UPRT: variants seen among roughly 807,000 people sequenced by gnomAD.
UPRT encodes uracil phosphoribosyltransferase homolog, also known as RP11-311P8.3.
In UPRT, 5 loss-of-function variants were observed where a neutral mutation model predicts 22.6. The observed-to-expected ratio is 0.22, with a 90% confidence interval of 0.12 to 0.47. The LOEUF (loss-of-function observed/expected upper bound fraction) is 0.47. Ranked by LOEUF, UPRT falls within the 20% of genes least tolerant of loss-of-function variation. The pLI is 0.99. For missense variants in UPRT, 181 were observed against 239.9 expected, an observed-to-expected ratio of 0.75 and a Z score of 1.62; for synonymous variants, 77 against 87.7, an observed-to-expected ratio of 0.88 and a Z score of 0.68.
chrX:75,188,748 G>C (rs148827364), intron 4 of UPRT, among the ~76,000 whole-genome samples: 2 of 112,379 alleles, frequency 1.8e-5, no homozygotes, highest in African/African-American at 3.2e-5. Flanking sequence ...TAAGCCCGTC[G>C]GAAAAGCGCA....
intron 2 of UPRT, 56 bp downstream of exon 2, chrX:75,293,570 G>A: frequency 9.1e-7 from 1 of 1,104,128 alleles, no homozygotes; most frequent in Non-Finnish European, 1.2e-6. Context: ...TATAACCATG[G>A]TAGACCAAGG....
chrX:75,170,172 G>A (rs2082223064), intron 4 of UPRT, among the ~76,000 whole-genome samples: 1 of 109,517 alleles, frequency 9.1e-6, no homozygotes. Context: ...TAGTAGCTGG[G>A]ACTATAGGTG....
At position 75,296,382 on chromosome X, in the gene UPRT, A is replaced by G; in HGVS notation, c.470A>G (p.Tyr157Cys). The part of the protein sequence containing the change: ...VVEEGLNQLP[Y>C]KECMVTTPTG... ...GAAGAGGGATTGAATCAGCTGCCATATAAAGAATGCATGGTGACCACTCCA... is the reference window on the plus strand; with the variant it reads ...GAAGAGGGATTGAATCAGCTGCCATGTAAAGAATGCATGGTGACCACTCCA... Residue 157 changes from tyrosine (Y) to cysteine (C), a missense_variant, in exon 3 of 7, where the codon TAT becomes TGT. This residue lies in a region of UPRT where 70 missense variants were observed against 137.0 expected (regional missense o/e 0.51). Coordinates refer to ENST00000373383, the MANE Select transcript of UPRT (RefSeq NM_145052.4). 8.3e-7 allele frequency: 1 copy of G among 1,210,937 alleles called. No homozygotes were observed. The highest frequency in any genetic ancestry group is 1.1e-6 in the Non-Finnish European group (1 of 894,934).
intron 4 of UPRT, among the ~76,000 whole-genome samples, chrX:75,235,682 A>G (rs933378675): frequency 8.9e-6 from 1 of 112,006 alleles, no homozygotes; most frequent in Non-Finnish European, 1.9e-5. Flanking sequence ...TATAAACAGA[A>G]CCAAAGACCA....
At chrX:75,191,063 G>A (rs1375735272) in intron 4 of UPRT, among the ~76,000 whole-genome samples, 1 of 111,658 alleles carries the variant, frequency 9.0e-6, no homozygotes, top group African/African-American at 3.3e-5. Flanking sequence ...CTGATTTTTA[G>A]AATTTTCAGC....
chrX:75,210,678 C>T (rs1336010131), intron 4 of UPRT, among the ~76,000 whole-genome samples: 2 of 75,452 alleles, frequency 2.7e-5, no homozygotes, highest in African/African-American at 5.3e-5. Flanking sequence ...GGAGGGGGAC[C>T]GAGGGAGGGG....
upstream of UPRT, among the ~76,000 whole-genome samples, chrX:75,272,321 C>CATAT (rs1361614310): frequency 5.2e-5 from 1 of 19,056 alleles, no homozygotes; most frequent in Non-Finnish European, 1.7e-4. Flanking sequence ...TGTATATATA[C>CATAT]ATATATATGT....
chrX:75,275,802 T>C (rs1041417237), intron 1 of UPRT, among the ~76,000 whole-genome samples: 2 of 111,203 alleles, frequency 1.8e-5, no homozygotes, highest in African/African-American at 6.5e-5. Flanking sequence ...CTCATACTTC[T>C]GGGCTCAAGT....
chrX:75,167,343 T>C (rs960172874), intron 3 of UPRT, among the ~76,000 whole-genome samples: 19 of 111,594 alleles, frequency 1.7e-4, no homozygotes, highest in African/African-American at 5.9e-4. Context: ...TTCCTGTTGG[T>C]TGTATGTATT....
chrX:75,166,997 A>G (rs1297485313), intron 3 of UPRT, among the ~76,000 whole-genome samples: 1 of 111,861 alleles, frequency 8.9e-6, no homozygotes, highest in African/African-American at 3.2e-5. Flanking sequence ...TAACGCTGCT[A>G]TAAATATTCT....
chrX:75,184,748 G>A (rs774268937), intron 4 of UPRT, among the ~76,000 whole-genome samples: 1 of 110,098 alleles, frequency 9.1e-6, no homozygotes, highest in African/African-American at 3.3e-5. Context: ...CACATCCCTT[G>A]TAAGTTGGAT....
At chrX:75,178,798 G>A (rs957799771) in intron 4 of UPRT, among the ~76,000 whole-genome samples, 3 of 111,313 alleles carry the variant, frequency 2.7e-5, no homozygotes, top group Admixed American at 9.5e-5. Flanking sequence ...AGAGTGAGCA[G>A]TAGCAAGATT....
chrX:75,287,267 G>T (rs1465360321), intron 1 of UPRT, among the ~76,000 whole-genome samples: 1 of 111,539 alleles, frequency 9.0e-6, no homozygotes, highest in African/African-American at 3.3e-5. Context: ...ATTATCCCAG[G>T]GGAGAATCCC....
intron 4 of UPRT, among the ~76,000 whole-genome samples, chrX:75,255,276 A>C (rs1329220789): frequency 9.0e-6 from 1 of 111,595 alleles, no homozygotes; most frequent in East Asian, 2.8e-4. Context: ...TATGAAAAAA[A>C]GATACAGTCT....
chrX:75,173,742 C>A (rs1224101766), intron 4 of UPRT, among the ~76,000 whole-genome samples: 1 of 111,835 alleles, frequency 8.9e-6, no homozygotes, highest in Admixed American at 9.4e-5. Context: ...AGCCCTGCCC[C>A]GCGGGAAGGC....
chrX:75,225,254 G>T (rs947586990), intron 4 of UPRT, among the ~76,000 whole-genome samples: 25 of 108,244 alleles, frequency 2.3e-4, no homozygotes, highest in Non-Finnish European at 4.0e-4. Context: ...ATTGCTCGAG[G>T]CCAGGAGTTT....
chrX:75,177,155 C>T (rs1036141186), intron 4 of UPRT, among the ~76,000 whole-genome samples: 1 of 110,462 alleles, frequency 9.1e-6, no homozygotes, highest in Non-Finnish European at 1.9e-5. Flanking sequence ...ACCGACACAG[C>T]AGCAGAAACA....
chrX:75,238,330 A>C (rs2082476924), intron 4 of UPRT, among the ~76,000 whole-genome samples: 1 of 111,729 alleles, frequency 9.0e-6, no homozygotes, highest in South Asian at 3.7e-4. Flanking sequence ...AGGAGTAGCT[A>C]TTCTTATATC....
chrX:75,251,377 A>C (rs1329029217), intron 4 of UPRT, among the ~76,000 whole-genome samples: 1 of 111,773 alleles, frequency 8.9e-6, no homozygotes, highest in Non-Finnish European at 1.9e-5. Flanking sequence ...CAGGACACAA[A>C]ATCAATGTGC....
Sources: gnomAD v4.1 joint callset for allele counts (sites outside exome capture counted in the v4.1 genomes callset) on GRCh38, gnomAD v4.1.1 for gene constraint, gnomAD v4.1.1 regional missense constraint, MANE v1.5 for transcripts, NCBI Gene and HGNC (gene_info 2026-07-23, HGNC 2026-07-21) for gene names.